MAPT: variants seen among roughly 807,000 people sequenced by gnomAD.
MAPT encodes the protein microtubule-associated protein tau.
MAPT carries 34 observed loss-of-function variants against 67.9 expected under a neutral mutation model. That is an observed-to-expected ratio of 0.50 (90% confidence interval 0.38 to 0.67). The LOEUF (loss-of-function observed/expected upper bound fraction) is 0.67, where lower values mean the gene tolerates loss of function less well. Ranked by LOEUF, MAPT falls within the 30% of genes least tolerant of loss-of-function variation. MAPT has a pLI of 0.00. For synonymous variants in MAPT, 456 were observed against 464.5 expected, an observed-to-expected ratio of 0.98 and a Z score of 0.23; for missense variants, 881 against 1,115.2, an observed-to-expected ratio of 0.79 and a Z score of 2.99.
intron 9 of MAPT, among the ~76,000 whole-genome samples, chr17:46,000,067 G>T (rs545298739): frequency 3.9e-5 from 6 of 152,286 alleles, no homozygotes; most frequent in Admixed American, 3.3e-4. Context: ...GTAGTACCCA[G>T]TATGCAGTAA....
At chr17:45,899,683 A>G (rs62056794) in intron 1 of MAPT, among the ~76,000 whole-genome samples, 21,829 of 152,234 alleles carry the variant, frequency 0.14, 2,138 homozygotes, top group Middle Eastern at 0.22. Flanking sequence ...CTGTCTCACA[A>G]ATGAATTTTT....
At position 45,989,128 on chromosome 17, in the gene MAPT, C is replaced by T. The variant is rs1050501863; in HGVS notation, c.1408-750C>T. Among the ~76,000 whole-genome samples, 48 of 152,050 alleles carry T rather than the reference C, an allele frequency of 3.2e-4. 1 individual carries two copies. Among genetic ancestry groups the T allele is most frequent in the Admixed American group, 3.1e-3 (47 of 15,264 alleles). The stretch of plus-strand genomic sequence containing the variant: ...GGGTTAATGGGCAGGTAAAAAAGCA[C>T]CTTGCCTGGAATTGAGTAGAAAGTA... On this transcript the variant is annotated intron_variant, in intron 6 of 12. Transcript: ENST00000262410.
intron 3 of MAPT, chr17:45,973,978 A>G (rs1371893333): frequency 5.1e-6 from 1 of 197,710 alleles, no homozygotes; most frequent in Non-Finnish European, 1.1e-5. Flanking sequence ...ACTTGCCCAA[A>G]GCCTCACAGC....
intron 1 of MAPT, among the ~76,000 whole-genome samples, chr17:45,958,276 G>C (rs1428272040): frequency 6.6e-6 from 1 of 152,130 alleles, no homozygotes; most frequent in Non-Finnish European, 1.5e-5. Flanking sequence ...CTTAAACCCT[G>C]CCCATCAAAA....
intron 11 of MAPT, 64 bp from the exon 12 acceptor site, chr17:46,018,554 T>G: frequency 1.7e-6 from 2 of 1,187,608 alleles, no homozygotes; most frequent in Non-Finnish European, 2.5e-6. Context: ...TCATGTAATG[T>G]ATGTTAAGTC....
chr17:45,923,164 C>T lies in MAPT; in HGVS notation c.-18+28478C>T, dbSNP rs117915480. On this transcript the variant is annotated intron_variant, in intron 1 of 12. Transcript: ENST00000262410. ...CGGTAAGGTGGCAGGGGTAGGACTCCTGGCCAGAAACAGGCACATAATAAA... is the reference window on the plus strand; with the variant it reads ...CGGTAAGGTGGCAGGGGTAGGACTCTTGGCCAGAAACAGGCACATAATAAA... Among the ~76,000 whole-genome samples, 1,174 of 152,232 alleles carry T rather than the reference C, an allele frequency of 7.7e-3. 9 individuals are homozygous for T. The highest frequency in any genetic ancestry group is 0.013 in the Non-Finnish European group (866 of 68,004).
intron 5 of MAPT, chr17:45,985,803 G>A (rs576052160): frequency 1.2e-6 from 1 of 816,396 alleles, no homozygotes; most frequent in Admixed American, 6.2e-5. Context: ...GCCACTTTAG[G>A]CTTACAGACC....
intron 1 of MAPT, among the ~76,000 whole-genome samples, chr17:45,911,590 G>A (rs1021409959): frequency 2.0e-5 from 3 of 151,760 alleles, no homozygotes; most frequent in Non-Finnish European, 2.9e-5. Context: ...GGGAGACCCT[G>A]TCTCTACAAA....
At chr17:46,007,955 T>C (rs1426104646) in intron 9 of MAPT, among the ~76,000 whole-genome samples, 1 of 152,234 alleles carries the variant, frequency 6.6e-6, no homozygotes, top group Non-Finnish European at 1.5e-5. Flanking sequence ...GTTTGTATTA[T>C]TGAAGTACAA....
chr17:45,985,382 G>T (rs185385465), intron 5 of MAPT, among the ~76,000 whole-genome samples: 1 of 152,236 alleles, frequency 6.6e-6, no homozygotes, highest in African/African-American at 2.4e-5. Flanking sequence ...AACAGTAGGG[G>T]ACAAATAACT....
At chr17:45,953,165 C>T (rs2069259772) in intron 1 of MAPT, among the ~76,000 whole-genome samples, 1 of 152,216 alleles carries the variant, frequency 6.6e-6, no homozygotes, top group Non-Finnish European at 1.5e-5. Flanking sequence ...TATGGCACTG[C>T]GTGACCCTGC....
chr17:45,995,433 C>T lies in MAPT; in HGVS notation c.1733-966C>T, dbSNP rs117199550. Among the ~76,000 whole-genome samples the T allele has an allele frequency of 0.04, 6,120 of 152,280 alleles. 130 individuals carry two copies. The highest frequency in any genetic ancestry group is 0.13 in the Middle Eastern group (38 of 294). ...TGCATTTTGCAACTCCCACTTTCCT[C>T]CTTGAAAGCTCCGGAGATTCTGACG... On this transcript the variant is annotated intron_variant, in intron 8 of 12. Coordinates refer to ENST00000262410, the MANE Select transcript of MAPT (RefSeq NM_001377265.1). This position sits in a 1 kb window ranked among gnomAD's most constrained non-coding sequence, Gnocchi z 4.3.
In MAPT at chr17:45,937,952, G is replaced by T. The variant is rs980977925; in HGVS notation, c.-17-24369G>T. On this transcript the variant is annotated intron_variant, in intron 1 of 12. Coordinates refer to ENST00000262410, the MANE Select transcript of MAPT (RefSeq NM_001377265.1). ...CATACCCACCTTACTGGGCAGGCTT[G>T]GGGGACCAAGGGTGGTAAATGGCTC... Among the ~76,000 whole-genome samples the T allele has an allele frequency of 5.3e-5, 8 of 152,144 alleles. No individual in the cohort carries two copies. In the South Asian group the frequency reaches 6.2e-4, roughly 12 times the overall value.
chr17:45,993,996 C>G (rs758636056), intron 8 of MAPT: 12 of 1,556,858 alleles, frequency 7.7e-6, no homozygotes, highest in Non-Finnish European at 1.0e-5. Flanking sequence ...GAGCCTACTT[C>G]GCTGGGAGCA....
rs865984780 is a variant in MAPT, at chr17:46,010,313, C to A, written c.2002C>A (p.Gln668Lys). ...TCCTTTTTTCTGGCTACCAAAGGTG[C>A]AGATAATTAATAAGAAGCTGGATCT... ...LKHQPGGGKV[Q>K]IINKKLDLSN... Residue 668 changes from glutamine (Q) to lysine (K), a missense_variant, in exon 10 of 13, where the codon CAG becomes AAG. This residue lies in a region of MAPT where 34 missense variants were observed against 51.2 expected (regional missense o/e 0.66). Coordinates refer to ENST00000262410, the MANE Select transcript of MAPT (RefSeq NM_001377265.1). The surrounding 1 kb of genome is among the most constrained non-coding windows in gnomAD (Gnocchi z 4.7). 3 of 1,565,598 alleles carry A rather than the reference C, an allele frequency of 1.9e-6. No individual in the cohort carries two copies. The highest frequency in any genetic ancestry group is 1.9e-4 in the Middle Eastern group (1 of 5,220).
intron 2 of MAPT, among the ~76,000 whole-genome samples, chr17:45,965,029 G>C (rs1379647843): frequency 6.6e-6 from 1 of 152,124 alleles, no homozygotes; most frequent in Non-Finnish European, 1.5e-5. Context: ...GCCAGATTTT[G>C]CCTCTTTTCC....
intron 10 of MAPT, among the ~76,000 whole-genome samples, chr17:46,011,066 G>A (rs779977610): frequency 2.6e-5 from 4 of 152,248 alleles, no homozygotes; most frequent in Non-Finnish European, 5.9e-5. Flanking sequence ...CAGCGTTGAG[G>A]TGTGGCAGAG....
At chr17:45,978,321 T>A (rs768299753) in intron 3 of MAPT, 54 bp from the exon 4 acceptor site, 1 of 1,418,022 alleles carries the variant, frequency 7.1e-7, no homozygotes, top group East Asian at 2.3e-5. Context: ...TGGTTTCTAG[T>A]AAACAATAAC....
rs62056850 is a variant in MAPT, at chr17:45,915,215, C to T, written c.-18+20529C>T. Reference sequence around the variant, plus strand: ...AGAGACTGGAGTGCGTGTGTGTGCGCGCAAAGTGTGGGGGGATGGGGGTGA... The same window carrying T: ...AGAGACTGGAGTGCGTGTGTGTGCGTGCAAAGTGTGGGGGGATGGGGGTGA... On this transcript the variant is annotated intron_variant, in intron 1 of 12. Coordinates refer to ENST00000262410, the MANE Select transcript of MAPT (RefSeq NM_001377265.1). The surrounding 1 kb of genome is among the most constrained non-coding windows in gnomAD (Gnocchi z 4.4). 0.14 allele frequency among the ~76,000 whole-genome samples: 21,913 copies of T among 151,214 alleles called. 2,166 individuals carry two copies. The highest frequency in any genetic ancestry group is 0.22 in the Non-Finnish European group (14,809 of 67,842).
Sources: allele counts gnomAD v4.1 joint callset (sites outside exome capture counted in the v4.1 genomes callset), GRCh38; gene constraint gnomAD v4.1.1; regional missense constraint gnomAD v4.1.1; non-coding constraint Gnocchi (gnomAD v3.1); transcripts MANE v1.5; gene names NCBI Gene and HGNC (gene_info 2026-07-23, HGNC 2026-07-21).